The following NTM variants were observed in gnomAD, a reference collection of about 807,000 sequenced individuals.
NTM encodes neurotrimin.
Under a neutral mutation model 42.1 loss-of-function variants are expected in NTM, and 13 were observed. That is an observed-to-expected ratio of 0.31 (90% CI 0.20 to 0.49). The LOEUF (loss-of-function observed/expected upper bound fraction) is 0.49, where lower values mean the gene tolerates loss of function less well. Among genes scored for constraint, NTM ranks in the 20% least tolerant of loss-of-function variants. NTM has a pLI of 0.99. For missense variants in NTM, 373 were observed against 452.8 expected, an observed-to-expected ratio of 0.82 and a Z score of 1.60; for synonymous variants, 187 against 179.2, an observed-to-expected ratio of 1.04 and a Z score of -0.35.
rs893428050 is a variant in NTM at position 131,505,651 on chromosome 11, T to C, written c.82+134763T>C. Among the ~76,000 whole-genome samples, 6 of 152,174 alleles carry C rather than the reference T, an allele frequency of 3.9e-5. No individual in the cohort carries two copies. In the East Asian group the frequency reaches 5.8e-4, roughly 15 times the overall value. On this transcript the variant is annotated intron_variant, in intron 1 of 8. Transcript: ENST00000683400. ...CCCAGATATCAGTCCTTCACCACCA[T>C]GGCAGAGTGTGTTAATCAGTGTTCA...
At chr11:131,874,884 T>C (rs1272646495) in intron 1 of NTM, among the ~76,000 whole-genome samples, 1 of 152,204 alleles carries the variant, frequency 6.6e-6, no homozygotes, top group African/African-American at 2.4e-5. Flanking sequence ...AATGAGAAAC[T>C]TAGTTGTGAT....
intron 2 of NTM, among the ~76,000 whole-genome samples, chr11:132,128,931 C>A (rs2066321146): frequency 1.1e-5 from 1 of 89,218 alleles, no homozygotes; most frequent in Admixed American, 1.6e-4. Flanking sequence ...GAGCGAGACA[C>A]CATCTCAAAA....
rs574904151 is a variant in NTM, at chr11:131,776,628, A to G, written c.83-134936A>G. Among the ~76,000 whole-genome samples the G allele has an allele frequency of 1.8e-4, 28 of 151,724 alleles. No individual in the cohort carries two copies. In the East Asian group the frequency reaches 5.4e-3, roughly 29 times the overall value. ...TCTACTTCAAGGCTTTGACTTCTGTATTGGTTAGGGTAACGTTAGCTGCTG... is the reference window on the plus strand; with the variant it reads ...TCTACTTCAAGGCTTTGACTTCTGTGTTGGTTAGGGTAACGTTAGCTGCTG... On this transcript the variant is annotated intron_variant, in intron 1 of 8. Coordinates refer to ENST00000683400, the MANE Select transcript of NTM (RefSeq NM_001352005.2).
chr11:131,865,010 C>T (rs2046996936), intron 1 of NTM, among the ~76,000 whole-genome samples: 1 of 152,236 alleles, frequency 6.6e-6, no homozygotes, highest in African/African-American at 2.4e-5. Context: ...ACCTCCAGCA[C>T]CATTCTGTGT....
chr11:131,527,121 C>T (rs193293987), intron 1 of NTM, among the ~76,000 whole-genome samples: 22 of 152,330 alleles, frequency 1.4e-4, no homozygotes, highest in Admixed American at 1.3e-3. Flanking sequence ...CACACTGTGT[C>T]TGATGTACCT....
intron 7 of NTM, among the ~76,000 whole-genome samples, chr11:132,322,905 T>C (rs2095602165): frequency 7.0e-6 from 1 of 143,608 alleles, no homozygotes; most frequent in Admixed American, 6.9e-5. Context: ...ACATGGAAAC[T>C]GAACAACCCG....
intron 2 of NTM, among the ~76,000 whole-genome samples, chr11:132,051,470 A>T (rs944552913): frequency 3.3e-5 from 5 of 152,170 alleles, no homozygotes; most frequent in Non-Finnish European, 7.3e-5. Flanking sequence ...AATTGCTGGG[A>T]TACCAAGTGT....
At chr11:131,908,573 T>C (rs925648336) in intron 1 of NTM, among the ~76,000 whole-genome samples, 1 of 152,228 alleles carries the variant, frequency 6.6e-6, no homozygotes, top group African/African-American at 2.4e-5. Context: ...TTCCACTTGT[T>C]GTAGTGAGGA....
intron 2 of NTM, among the ~76,000 whole-genome samples, chr11:132,088,677 C>T (rs912300610): frequency 2.0e-5 from 3 of 152,170 alleles, no homozygotes; most frequent in Non-Finnish European, 2.9e-5. Flanking sequence ...CTGAGCCAGT[C>T]CACATTGATT....
At chr11:132,299,475 G>A (rs1673334280) in intron 4 of NTM, among the ~76,000 whole-genome samples, 1 of 152,174 alleles carries the variant, frequency 6.6e-6, no homozygotes, top group South Asian at 2.1e-4. Context: ...GGTATCCTGA[G>A]AGAAAGGAGG....
At position 131,933,942 on chromosome 11, in the gene NTM, C is replaced by T. The variant is rs190642697; in HGVS notation, c.167+22294C>T. On this transcript the variant is annotated intron_variant, in intron 2 of 8. Transcript: ENST00000683400. The stretch of plus-strand genomic sequence containing the variant: ...TTACCTCCTTTAACACTCAGAGCCC[C>T]GTGACCATCCCAATTTTAAAAATGA... 3.3e-5 allele frequency among the ~76,000 whole-genome samples: 5 copies of T among 152,150 alleles called. No homozygotes were observed. The East Asian group carries it at 7.7e-4, about 24-fold the overall frequency.
chr11:131,798,099 A>G (rs2091769799), intron 1 of NTM, among the ~76,000 whole-genome samples: 1 of 152,178 alleles, frequency 6.6e-6, no homozygotes, highest in South Asian at 2.1e-4. Flanking sequence ...AAAATTAGCC[A>G]AGCATGTTGA....
rs540605830 is a variant in NTM, at chr11:131,600,056, A to G, written c.82+229168A>G. Among the ~76,000 whole-genome samples, 316 of 152,336 alleles carry G rather than the reference A, an allele frequency of 2.1e-3. 2 individuals are homozygous for G. Among genetic ancestry groups the G allele is most frequent in the African/African-American group, 7.5e-3 (310 of 41,570 alleles). On this transcript the variant is annotated intron_variant, in intron 1 of 8. Coordinates refer to ENST00000683400, the MANE Select transcript of NTM (RefSeq NM_001352005.2). ...GAGGCGGCTCACCTCTGGGGTCTGAAGTTGAGCCACGTGGAGGAACTTGCT... is the reference window on the plus strand; with the variant it reads ...GAGGCGGCTCACCTCTGGGGTCTGAGGTTGAGCCACGTGGAGGAACTTGCT...
intron 2 of NTM, among the ~76,000 whole-genome samples, chr11:131,992,575 C>CT (rs1468616101): frequency 2.0e-5 from 3 of 152,082 alleles, no homozygotes; most frequent in Admixed American, 6.5e-5. Flanking sequence ...TTTCTCATGG[C>CT]TTTTTTATTC....
chr11:132,156,230 G>A (rs2073161307), intron 3 of NTM, among the ~76,000 whole-genome samples: 1 of 152,040 alleles, frequency 6.6e-6, no homozygotes, highest in Non-Finnish European at 1.5e-5. Flanking sequence ...CAGGCTCCAG[G>A]GGACCTCTGC....
chr11:131,893,941 A>G (rs544796395), intron 1 of NTM, among the ~76,000 whole-genome samples: 195 of 152,338 alleles, frequency 1.3e-3, no homozygotes, highest in African/African-American at 4.3e-3. Context: ...ATGAGGAGGA[A>G]TATCTAGTCC....
chr11:131,459,898 G>A (rs991160030), intron 1 of NTM, among the ~76,000 whole-genome samples: 1 of 152,100 alleles, frequency 6.6e-6, no homozygotes, highest in South Asian at 2.1e-4. Context: ...GGATTTCAAA[G>A]GATGTTGACA....
At chr11:132,124,576 A>T (rs1404542583) in intron 2 of NTM, among the ~76,000 whole-genome samples, 1 of 152,240 alleles carries the variant, frequency 6.6e-6, no homozygotes, top group African/African-American at 2.4e-5. Context: ...CATCAGAAAA[A>T]GTTGTGGAAA....
At chr11:132,317,490 C>T (rs73028629) in intron 7 of NTM, among the ~76,000 whole-genome samples, 2,104 of 152,152 alleles carry the variant, frequency 0.014, 21 homozygotes, top group Non-Finnish European at 0.023. Flanking sequence ...TCTTGCCGCA[C>T]CTTGTCCTAC....
Sources: gnomAD v4.1 joint callset for allele counts (sites outside exome capture counted in the v4.1 genomes callset) on GRCh38, gnomAD v4.1.1 for gene constraint, MANE v1.5 for transcripts, NCBI Gene and HGNC (gene_info 2026-07-23, HGNC 2026-07-21) for gene names.